Variants in BRINP1 observed in about 807,000 individuals in gnomAD.
BRINP1 encodes BMP/retinoic acid-inducible neural-specific protein 1.
In BRINP1, 17 loss-of-function variants were observed where a neutral mutation model predicts 72.9. The observed-to-expected ratio is 0.23, with a 90% CI of 0.16 to 0.35. BRINP1 has a LOEUF of 0.35. BRINP1 is among the 10% of genes least tolerant of loss of function. The probability of loss-of-function intolerance (pLI) is 1.00; values close to 1 mark genes in which losing one functional copy is unlikely to be tolerated. For synonymous variants in BRINP1, 418 were observed against 378.5 expected, an observed-to-expected ratio of 1.10 and a Z score of -1.21; for missense variants, 850 against 1,001.6, an observed-to-expected ratio of 0.85 and a Z score of 2.04.
rs139366741 is a variant in BRINP1 at position 119,295,979 on chromosome 9, A to G, written c.218+17159T>C. Among the ~76,000 whole-genome samples the G allele has an allele frequency of 1.2e-3, 179 of 152,316 alleles. 1 individual carries two copies. Among genetic ancestry groups the G allele is most frequent in the African/African-American group, 4.1e-3 (171 of 41,578 alleles). Reference sequence around the variant, plus strand: ...AAACCTTCTTAACATTGGTCTGGGCAATGATTCCTTTGGATATGACCCTAA... The same window carrying G: ...AAACCTTCTTAACATTGGTCTGGGCGATGATTCCTTTGGATATGACCCTAA... On this transcript the variant is annotated intron_variant, in intron 2 of 7. Coordinates refer to ENST00000265922, the MANE Select transcript of BRINP1 (RefSeq NM_014618.3).
intron 2 of BRINP1, among the ~76,000 whole-genome samples, chr9:119,285,901 A>G (rs1024955917): frequency 3.9e-5 from 6 of 152,146 alleles, no homozygotes; most frequent in African/African-American, 7.2e-5. Flanking sequence ...CTGAGATCCA[A>G]CTTATACCAG....
At chr9:119,356,495 G>C (rs1203712738) in intron 1 of BRINP1, among the ~76,000 whole-genome samples, 1 of 152,148 alleles carries the variant, frequency 6.6e-6, no homozygotes, top group African/African-American at 2.4e-5. Context: ...GGCAAAGGAT[G>C]AGTGCTCAAT....
At chr9:119,218,051 ATTTGT>A (rs1052029741) in intron 5 of BRINP1, among the ~76,000 whole-genome samples, 1 of 151,822 alleles carries the variant, frequency 6.6e-6, no homozygotes, top group African/African-American at 2.4e-5. Flanking sequence ...TATCTTTTGA[ATTTGT>A]TTTATTTCTA....
At chr9:119,279,984 A>T (rs1488626232) in intron 2 of BRINP1, among the ~76,000 whole-genome samples, 2 of 152,182 alleles carry the variant, frequency 1.3e-5, no homozygotes, top group African/African-American at 4.8e-5. Context: ...AAGAAGAAAA[A>T]TGCTATATGT....
At chr9:119,216,249 T>C (rs1253747166) in intron 5 of BRINP1, among the ~76,000 whole-genome samples, 1 of 152,228 alleles carries the variant, frequency 6.6e-6, no homozygotes, top group African/African-American at 2.4e-5. Context: ...TAGAATTCTG[T>C]GCCTGTTGAA....
chr9:119,276,144 T>C (rs745315729), intron 2 of BRINP1, among the ~76,000 whole-genome samples: 1 of 152,228 alleles, frequency 6.6e-6, no homozygotes, highest in Non-Finnish European at 1.5e-5. Flanking sequence ...CTCATTTTCC[T>C]GAAATATCTA....
rs150252394 is a variant in BRINP1 at position 119,325,168 on chromosome 9, A to G, written c.-50-11763T>C. Among the ~76,000 whole-genome samples the G allele has an allele frequency of 1.6e-3, 238 of 152,304 alleles. 2 individuals are homozygous for G. The highest frequency in any genetic ancestry group is 4.8e-3 in the Admixed American group (74 of 15,304). ...AGAGAGAAAGAGGAGAGAGGAAAAA[A>G]GAAAACTCTGGAATGAGTGTTCATT... is the stretch of plus-strand genomic sequence containing the variant. On this transcript the variant is annotated intron_variant, in intron 1 of 7. Coordinates refer to ENST00000265922, the MANE Select transcript of BRINP1 (RefSeq NM_014618.3).
At chr9:119,193,148 T>A (rs925332357) in intron 7 of BRINP1, among the ~76,000 whole-genome samples, 4 of 152,022 alleles carry the variant, frequency 2.6e-5, no homozygotes, top group Admixed American at 6.6e-5. Context: ...TTTATTAAAA[T>A]TTTTTTTATC....
intron 1 of BRINP1, among the ~76,000 whole-genome samples, chr9:119,353,822 C>CTTTTTTTTTTTTT (rs138900910): frequency 3.2e-5 from 1 of 30,960 alleles, no homozygotes; most frequent in East Asian, 1.4e-3. Context: ...GTTTTGAGCA[C>CTTTTTTTTTTTTT]TTTTTTTTTT....
chr9:119,194,851 C>T lies in BRINP1; in HGVS notation c.1145+13868G>A, dbSNP rs138411830. The stretch of plus-strand genomic sequence containing the variant: ...GCCTGTGAAGCATAAAGTGAAGACC[C>T]AGCTATACCATACCTAAACTCCTGA... On this transcript the variant is annotated intron_variant, in intron 7 of 7. Coordinates refer to ENST00000265922, the MANE Select transcript of BRINP1 (RefSeq NM_014618.3). Among the ~76,000 whole-genome samples the T allele has an allele frequency of 2.4e-3, 359 of 152,254 alleles. 3 individuals carry two copies. The highest frequency in any genetic ancestry group is 8.4e-3 in the African/African-American group (347 of 41,542).
chr9:119,348,851 A>G (rs1020441072), intron 1 of BRINP1, among the ~76,000 whole-genome samples: 45 of 152,212 alleles, frequency 3.0e-4, no homozygotes, highest in African/African-American at 1.1e-3. Flanking sequence ...ATGACCCATT[A>G]ATAAATAAAT....
At chr9:119,342,274 A>G (rs1831413652) in intron 1 of BRINP1, among the ~76,000 whole-genome samples, 1 of 152,224 alleles carries the variant, frequency 6.6e-6, no homozygotes, top group African/African-American at 2.4e-5. Context: ...CTATGGAAAT[A>G]TGTGAATTTA....
chr9:119,298,043 T>G (rs933272273), intron 2 of BRINP1, among the ~76,000 whole-genome samples: 1 of 152,226 alleles, frequency 6.6e-6, no homozygotes, highest in Non-Finnish European at 1.5e-5. Flanking sequence ...GGTCAACTAT[T>G]CTCGCACATT....
intron 7 of BRINP1, among the ~76,000 whole-genome samples, chr9:119,177,749 A>G (rs1829506034): frequency 6.6e-6 from 1 of 152,186 alleles, no homozygotes; most frequent in African/African-American, 2.4e-5. Context: ...GCAATAAGCA[A>G]CGGGGCTAGT....
intron 5 of BRINP1, among the ~76,000 whole-genome samples, chr9:119,216,994 G>A (rs770892353): frequency 3.9e-5 from 6 of 152,062 alleles, no homozygotes; most frequent in Non-Finnish European, 7.4e-5. Flanking sequence ...GAATCTCCTG[G>A]GCAATTTCGA....
At chr9:119,169,180 G>A (rs187631879) in intron 7 of BRINP1, among the ~76,000 whole-genome samples, 2 of 152,318 alleles carry the variant, frequency 1.3e-5, no homozygotes, top group African/African-American at 4.8e-5. Flanking sequence ...CGTGAGCGAC[G>A]CAGAAGACAG....
chr9:119,336,481 G>A (rs1317963406), intron 1 of BRINP1, among the ~76,000 whole-genome samples: 1 of 151,922 alleles, frequency 6.6e-6, no homozygotes, highest in Non-Finnish European at 1.5e-5. Flanking sequence ...GTGAAGGATG[G>A]AGAAACATTT....
intron 1 of BRINP1, among the ~76,000 whole-genome samples, chr9:119,315,950 T>C (rs1215017725): frequency 1.3e-5 from 2 of 152,218 alleles, no homozygotes; most frequent in East Asian, 3.9e-4. Flanking sequence ...GGTTGCTTCC[T>C]GAGGTTTAAA....
chr9:119,301,598 T>C (rs1830939635), intron 2 of BRINP1, among the ~76,000 whole-genome samples: 1 of 152,144 alleles, frequency 6.6e-6, no homozygotes, highest in South Asian at 2.1e-4. Flanking sequence ...TTCTGTCTCT[T>C]GATCGCAGTG....
Sources: gnomAD v4.1 joint callset for allele counts (sites outside exome capture counted in the v4.1 genomes callset) on GRCh38, gnomAD v4.1.1 for gene constraint, MANE v1.5 for transcripts, NCBI Gene and HGNC (gene_info 2026-07-23, HGNC 2026-07-21) for gene names.